Variants in AMMECR1L observed in about 807,000 individuals in gnomAD.
AMMECR1L encodes AMMECR1 like, also known as AMMECR1-like protein.
Under a neutral mutation model 36.8 loss-of-function variants are expected in AMMECR1L, and 4 were observed. The ratio of observed to expected loss-of-function variants is 0.11; its 90% CI spans 0.05 to 0.25. AMMECR1L has a LOEUF of 0.25. Ranked by LOEUF, AMMECR1L falls within the 10% of genes least tolerant of loss-of-function variation. The pLI, the probability that AMMECR1L is intolerant of heterozygous loss-of-function variation, is 1.00. For missense variants in AMMECR1L, 232 were observed against 392.1 expected, an observed-to-expected ratio of 0.59 and a Z score of 3.45; for synonymous variants, 147 against 148.0, an observed-to-expected ratio of 0.99 and a Z score of 0.05.
chr2:127,869,174 T>G lies in AMMECR1L; in HGVS notation c.724+280A>C, dbSNP rs112265867. Among the ~76,000 whole-genome samples the G allele has an allele frequency of 5.7e-3, 875 of 152,346 alleles. 9 individuals carry two copies. The highest frequency in any genetic ancestry group is 0.02 in the African/African-American group (820 of 41,580). ...GGTGGTATTTTGCTACAATTGCCAC[T>G]GTAGTTTAAGGGGCTAAGAAATAAA... On this transcript the variant is annotated intron_variant, in intron 6 of 7. Transcript: ENST00000272647. The surrounding 1 kb of genome is among the most constrained non-coding windows in gnomAD (Gnocchi z 4.7).
Position 127,865,139 on chromosome 2 carries a change from C to T in AMMECR1L, c.888G>A (p.Gln296=). ...EYIASRQHCF[Q]NGTLHAPPLY... ...GGGGCGGGGCATGAAGAGTGCCGTT[C>T]TGGAAACAGTGCTGTCGGGAAGCAA... Residue 296 remains glutamine, a synonymous_variant, in exon 8 of 8, where the codon CAG becomes CAA. Transcript: ENST00000272647. This position sits in a 1 kb window ranked among gnomAD's most constrained non-coding sequence, Gnocchi z 5.4. 1 of 1,613,902 alleles carries T rather than the reference C, an allele frequency of 6.2e-7. No homozygotes were observed. Among genetic ancestry groups the T allele is most frequent in the Non-Finnish European group, 8.5e-7 (1 of 1,179,940 alleles).
At chr2:127,870,087 C>T (rs1573542437) in intron 5 of AMMECR1L, among the ~76,000 whole-genome samples, 1 of 152,246 alleles carries the variant, frequency 6.6e-6, no homozygotes, top group East Asian at 1.9e-4. Flanking sequence ...GAGTCCAAGG[C>T]AGGTGGATCA....
chr2:127,862,795 T>C lies in AMMECR1L; in HGVS notation c.*2299A>G, dbSNP rs933150645. On this transcript the variant is annotated 3_prime_UTR_variant, in exon 8 of 8. Coordinates refer to ENST00000272647, the MANE Select transcript of AMMECR1L (RefSeq NM_001199140.2). ...GCCCAATTCTTGTGCACTGATTTTT[T>C]TTTCCCCATTTCTCGGGTTTTAAAA... The C allele has an allele frequency of 1.3e-5, 2 of 152,280 alleles. No individual in the cohort carries two copies. Among genetic ancestry groups the C allele is most frequent in the Non-Finnish European group, 2.9e-5 (2 of 67,964 alleles). 9.4% of individuals were successfully genotyped at this position (152,280 alleles called of 1,614,324 possible). A position where few individuals can be genotyped will look rare whatever the true frequency, so the allele number is the denominator to read the frequency against.
chr2:127,862,033 T>C lies in AMMECR1L; in HGVS notation c.*3061A>G, dbSNP rs1690490680. 6.6e-6 allele frequency: 1 copy of C among 152,618 alleles called. No individual in the cohort carries two copies. The highest frequency in any genetic ancestry group is 6.5e-5 in the Admixed American group (1 of 15,274). 9.5% of individuals were successfully genotyped at this position (152,618 alleles called of 1,614,324 possible). A position where few individuals can be genotyped will look rare whatever the true frequency, so the allele number is the denominator to read the frequency against. On this transcript the variant is annotated 3_prime_UTR_variant, in exon 8 of 8. Transcript: ENST00000272647. ...TCTCTAACATGAGTTGTTTTATTATTATGAAGCAAAAAAGTTTTAAGAATC... is the reference window on the plus strand; with the variant it reads ...TCTCTAACATGAGTTGTTTTATTATCATGAAGCAAAAAAGTTTTAAGAATC...
chr2:127,872,353 C>T (rs72838411), intron 3 of AMMECR1L, among the ~76,000 whole-genome samples: 3 of 151,800 alleles, frequency 2.0e-5, no homozygotes, highest in Admixed American at 6.6e-5. Context: ...AGCCAAGGAA[C>T]CTTTTTATTA....
rs1400261265 is a variant in AMMECR1L, at chr2:127,871,167, A to G, written c.518+82T>C. On this transcript the variant is annotated intron_variant, in intron 4 of 7. Coordinates refer to ENST00000272647, the MANE Select transcript of AMMECR1L (RefSeq NM_001199140.2). This position sits in a 1 kb window ranked among gnomAD's most constrained non-coding sequence, Gnocchi z 4.3. ...ACCAAAAAGAGAAAGCTCAACGTAC[A>G]TCACTTAGAAGAAATAAAGTCAGGC... The G allele has an allele frequency of 7.6e-6, 11 of 1,444,636 alleles. No individual in the cohort carries two copies. The highest frequency in any genetic ancestry group is 1.1e-5 in the Non-Finnish European group (11 of 1,039,654). 89.5% of individuals were successfully genotyped at this position (1,444,636 alleles called of 1,614,324 possible). A position where few individuals can be genotyped will look rare whatever the true frequency, so the allele number is the denominator to read the frequency against.
chr2:127,885,626 C>T (rs1246837847), intron 1 of AMMECR1L, 184 bp downstream of exon 1: 5 of 983,038 alleles, frequency 5.1e-6, no homozygotes, highest in African/African-American at 1.7e-5. Context: ...CCTGAGGCCC[C>T]GCCCGCCGCC....
chr2:127,883,921 A>G (rs1463000443), intron 2 of AMMECR1L, among the ~76,000 whole-genome samples: 6 of 152,244 alleles, frequency 3.9e-5, no homozygotes, highest in African/African-American at 1.4e-4. Context: ...TCATTTGGGA[A>G]GGGTGAGGAG....
At chr2:127,883,637 A>G (rs944089139) in intron 2 of AMMECR1L, among the ~76,000 whole-genome samples, 1 of 152,222 alleles carries the variant, frequency 6.6e-6, no homozygotes, top group African/African-American at 2.4e-5. Flanking sequence ...GCATACTATC[A>G]TTAATCAACT....
intron 7 of AMMECR1L, among the ~76,000 whole-genome samples, chr2:127,866,477 G>A (rs1431413871): frequency 1.3e-5 from 2 of 152,182 alleles, no homozygotes; most frequent in Non-Finnish European, 2.9e-5. Flanking sequence ...CCACAAATGA[G>A]AGGCATTTCC....
In AMMECR1L at chr2:127,874,140, T is replaced by G. The variant is rs778172010; in HGVS notation, c.95A>C (p.His32Pro). The G allele has an allele frequency of 1.2e-6, 2 of 1,614,096 alleles. No individual in the cohort carries two copies. Among genetic ancestry groups the G allele is most frequent in the African/African-American group, 2.7e-5 (2 of 74,928 alleles). Residue 32 changes from histidine (H) to proline (P), a missense_variant, in exon 3 of 8, where the codon CAC becomes CCC. Physicochemically the swap from His to Pro is moderately conservative, Grantham distance 77 (BLOSUM62 -2). Coordinates refer to ENST00000272647, the MANE Select transcript of AMMECR1L (RefSeq NM_001199140.2). This position sits in a 1 kb window ranked among gnomAD's most constrained non-coding sequence, Gnocchi z 5.2. ...AGTTGTGGACTGATTCCCGTGACTGTGCGTTCCACTTCCAGATAATTTGGG... is the reference window on the plus strand; with the variant it reads ...AGTTGTGGACTGATTCCCGTGACTGGGCGTTCCACTTCCAGATAATTTGGG... Reference protein sequence around the residue: ...KKPKLSGSGTHSHGNQSTTVP... With the variant: ...KKPKLSGSGTPSHGNQSTTVP...
Position 127,865,162 on chromosome 2 carries a change from C to A in AMMECR1L, c.865G>T (p.Ala289Ser). 6.2e-7 allele frequency: 1 copy of A among 1,613,686 alleles called. No individual in the cohort carries two copies. Among genetic ancestry groups the A allele is most frequent in the Non-Finnish European group, 8.5e-7 (1 of 1,179,844 alleles). The stretch of plus-strand genomic sequence containing the variant: ...TTCTGGAAACAGTGCTGTCGGGAAG[C>A]AATATACTCTGCGTAACTGATTGTC... ...KVTISYAEYI[A>S]SRQHCFQNGT... Residue 289 changes from alanine to serine, a missense_variant, in exon 8 of 8, where the codon GCT (alanine) becomes TCT (serine). Coordinates refer to ENST00000272647, the MANE Select transcript of AMMECR1L (RefSeq NM_001199140.2). This position sits in a 1 kb window ranked among gnomAD's most constrained non-coding sequence, Gnocchi z 5.4.
rs1436856372 is a variant in AMMECR1L at position 127,869,429 on chromosome 2, T to C, written c.724+25A>G. ...GCACCACTGTGAATGATACTTGTCA[T>C]TAAAATCCCATTCATCCAACTCACC... On this transcript the variant is annotated intron_variant, in intron 6 of 7. Coordinates refer to ENST00000272647, the MANE Select transcript of AMMECR1L (RefSeq NM_001199140.2). The surrounding 1 kb of genome is among the most constrained non-coding windows in gnomAD (Gnocchi z 4.7). 2 of 1,588,364 alleles carry C rather than the reference T, an allele frequency of 1.3e-6. No individual in the cohort carries two copies. Among genetic ancestry groups the C allele is most frequent in the Non-Finnish European group, 1.7e-6 (2 of 1,156,624 alleles).
In AMMECR1L at chr2:127,874,309, G is replaced by A. The variant is rs1691126569; in HGVS notation, c.-38-37C>T. On this transcript the variant is annotated intron_variant, in intron 2 of 7. Coordinates refer to ENST00000272647, the MANE Select transcript of AMMECR1L (RefSeq NM_001199140.2). This position sits in a 1 kb window ranked among gnomAD's most constrained non-coding sequence, Gnocchi z 5.2. ...GAGAAGTTAAGCATTAATTTGACTG[G>A]TTAGTTAAAAGGAGAGGAAAAAACA... The A allele has an allele frequency of 6.4e-7, 1 of 1,553,592 alleles. No individual in the cohort carries two copies. Among genetic ancestry groups the A allele is most frequent in the Non-Finnish European group, 8.7e-7 (1 of 1,151,784 alleles).
At position 127,866,439 on chromosome 2, in the gene AMMECR1L, C is replaced by T. The variant is rs565719953; in HGVS notation, c.821+461G>A. ...CCAAGTCCATCTGCATTCTACTACA[C>T]TAGGCAGCCTCCTCCTAGAAGTATT... On this transcript the variant is annotated intron_variant, in intron 7 of 7. Coordinates refer to ENST00000272647, the MANE Select transcript of AMMECR1L (RefSeq NM_001199140.2). Among the ~76,000 whole-genome samples the T allele has an allele frequency of 1.9e-4, 29 of 152,370 alleles. No homozygotes were observed. The South Asian group carries it at 3.7e-3, about 20-fold the overall frequency.
chr2:127,884,315 A>G lies in AMMECR1L; in HGVS notation c.-148-3T>C, dbSNP rs760142399. 5 of 152,020 alleles carry G rather than the reference A, an allele frequency of 3.3e-5. No individual in the cohort carries two copies. Among genetic ancestry groups the G allele is most frequent in the African/African-American group, 9.7e-5 (4 of 41,376 alleles). 9.4% of individuals were successfully genotyped at this position (152,020 alleles called of 1,614,324 possible). A position where few individuals can be genotyped will look rare whatever the true frequency, so the allele number is the denominator to read the frequency against. Reference sequence around the variant, plus strand: ...GATTCCATTCCTTCTTCCTGTACCTAAGACGGAAATGCAGGTGCAGTGAAC... The same window carrying G: ...GATTCCATTCCTTCTTCCTGTACCTGAGACGGAAATGCAGGTGCAGTGAAC... On this transcript the variant is annotated splice_region_variant and splice_polypyrimidine_tract_variant and intron_variant, in intron 1 of 7. Coordinates refer to ENST00000272647, the MANE Select transcript of AMMECR1L (RefSeq NM_001199140.2).
At chr2:127,872,620 C>T (rs1372187766) in intron 3 of AMMECR1L, among the ~76,000 whole-genome samples, 1 of 152,146 alleles carries the variant, frequency 6.6e-6, no homozygotes, top group African/African-American at 2.4e-5. Flanking sequence ...CTTTTCCTCC[C>T]AATAAAGCAC....
intron 6 of AMMECR1L, among the ~76,000 whole-genome samples, chr2:127,868,190 C>G (rs959332606): frequency 2.6e-5 from 4 of 152,196 alleles, no homozygotes. Flanking sequence ...ATAAAACCAA[C>G]TTCATCAAAT....
intron 6 of AMMECR1L, among the ~76,000 whole-genome samples, chr2:127,867,973 T>C (rs1369668158): frequency 6.6e-6 from 1 of 152,164 alleles, no homozygotes; most frequent in Non-Finnish European, 1.5e-5. Flanking sequence ...CCCAGGCTCA[T>C]GTGATCCTCC....
Sources: allele counts gnomAD v4.1 joint callset (sites outside exome capture counted in the v4.1 genomes callset), GRCh38; gene constraint gnomAD v4.1.1; non-coding constraint Gnocchi (gnomAD v3.1); transcripts MANE v1.5; gene names NCBI Gene and HGNC (gene_info 2026-07-23, HGNC 2026-07-21).